BMP1: variants seen among roughly 807,000 people sequenced by gnomAD.
The protein encoded by BMP1 is bone morphogenetic protein 1.
BMP1 carries 63 observed loss-of-function variants against 116.8 expected under a neutral mutation model. The observed-to-expected ratio is 0.54, with a 90% CI of 0.44 to 0.67. The LOEUF is 0.67. Among genes scored for constraint, BMP1 ranks in the 30% least tolerant of loss-of-function variants. The pLI, the probability that BMP1 is intolerant of heterozygous loss-of-function variation, is 0.00. For synonymous variants in BMP1, 536 were observed against 533.4 expected, an observed-to-expected ratio of 1.00 and a Z score of -0.07; for missense variants, 1,183 against 1,358.9, an observed-to-expected ratio of 0.87 and a Z score of 2.04.
chr8:22,176,249 G>T lies in BMP1; in HGVS notation c.369G>T (p.Thr123=). 2 of 1,613,746 alleles carry T rather than the reference G, an allele frequency of 1.2e-6. No individual in the cohort carries two copies. Among genetic ancestry groups the T allele is most frequent in the South Asian group, 1.1e-5 (1 of 90,992 alleles). ...GATCCCGTAGCCGGCGGGCGGCGAC[G>T]TCCCGACCAGAGCGTGTGTGGCCCG... ...RGRSRSRRAA[T]SRPERVWPDG... The change falls in exon 3 of 20, where the codon ACG becomes ACT. Residue 123 remains threonine, a synonymous_variant. Coordinates refer to ENST00000306385, the MANE Select transcript of BMP1 (RefSeq NM_006129.5).
intron 19 of BMP1, among the ~76,000 whole-genome samples, chr8:22,210,809 C>G (rs1256475995): frequency 6.6e-6 from 1 of 152,242 alleles, no homozygotes; most frequent in African/African-American, 2.4e-5. Context: ...TCGGATGTCC[C>G]CAGGTGTCTT....
At chr8:22,195,678 C>T in intron 13 of BMP1, 91 bp downstream of exon 13, 1 of 1,523,738 alleles carries the variant, frequency 6.6e-7, no homozygotes, top group Non-Finnish European at 8.8e-7. Context: ...CAGGCTTTTG[C>T]TCTGTCACCC....
intron 1 of BMP1, among the ~76,000 whole-genome samples, chr8:22,166,878 G>A (rs1258825031): frequency 2.0e-5 from 3 of 152,268 alleles, no homozygotes; most frequent in East Asian, 1.9e-4. Flanking sequence ...AGTGGACTGC[G>A]CATGGACTTT....
chr8:22,187,549 C>G (rs529058043), intron 8 of BMP1, among the ~76,000 whole-genome samples: 2 of 141,584 alleles, frequency 1.4e-5, no homozygotes, highest in African/African-American at 5.4e-5. Flanking sequence ...CAGGGTTTCA[C>G]CGTGTTAGCC....
chr8:22,196,458 TG>T (rs1286697284), intron 13 of BMP1: 2 of 626,902 alleles, frequency 3.2e-6, no homozygotes, highest in Non-Finnish European at 5.7e-6. Flanking sequence ...GCCACACTTA[TG>T]ACCCCTTAGC....
At position 22,194,398 on chromosome 8, in the gene BMP1, G is replaced by A; in HGVS notation, c.1298-47G>A. The stretch of plus-strand genomic sequence containing the variant: ...GAAAAGAGCTCCCTAGCAGGGCAAA[G>A]CATGCTGACTCACCACCCCTTCCCA... On this transcript the variant is annotated intron_variant, in intron 10 of 19. Coordinates refer to ENST00000306385, the MANE Select transcript of BMP1 (RefSeq NM_006129.5). The surrounding 1 kb of genome is among the most constrained non-coding windows in gnomAD (Gnocchi z 4.5). The A allele has an allele frequency of 6.2e-7, 1 of 1,609,296 alleles. No homozygotes were observed. Among genetic ancestry groups the A allele is most frequent in the Non-Finnish European group, 8.5e-7 (1 of 1,177,264 alleles).
rs545322611 is a variant in BMP1 at position 22,179,399 on chromosome 8, G to A, written c.837-306G>A. ...GGGCCTGTAGCTTTCCTGGGGCTGG[G>A]AGTTGTGGCCAGCCTGAGCTGGGAG... is the stretch of plus-strand genomic sequence containing the variant. On this transcript the variant is annotated intron_variant, in intron 6 of 19. Coordinates refer to ENST00000306385, the MANE Select transcript of BMP1 (RefSeq NM_006129.5). The surrounding 1 kb of genome is among the most constrained non-coding windows in gnomAD (Gnocchi z 4.6). Among the ~76,000 whole-genome samples, 2 of 152,328 alleles carry A rather than the reference G, an allele frequency of 1.3e-5. No individual in the cohort carries two copies. The highest frequency in any genetic ancestry group is 4.8e-5 in the African/African-American group (2 of 41,570).
intron 8 of BMP1, among the ~76,000 whole-genome samples, chr8:22,190,128 T>C (rs952906624): frequency 2.6e-5 from 4 of 152,178 alleles, no homozygotes; most frequent in Non-Finnish European, 4.4e-5. Context: ...TTTCACCATG[T>C]TGGCCAGGCT....
chr8:22,197,999 A>G (rs758099974), intron 15 of BMP1, among the ~76,000 whole-genome samples: 6 of 152,208 alleles, frequency 3.9e-5, no homozygotes, highest in Admixed American at 6.5e-5. Flanking sequence ...AGCCTAGACA[A>G]CATAGCGAGA....
At position 22,176,234 on chromosome 8, in the gene BMP1, C is replaced by G. The variant is rs779984750; in HGVS notation, c.354C>G (p.Ser118Arg). Residue 118 changes from serine to arginine, a missense_variant, in exon 3 of 20, where the codon AGC (serine) becomes AGG (arginine). Around this residue, in one of 4 missense-constraint regions of BMP1, gnomAD observed 185 missense variants for 158.9 expected, o/e 1.16. Transcript: ENST00000306385. ...GGAGATGGAGAGGTAGATCCCGTAG[C>G]CGGCGGGCGGCGACGTCCCGACCAG... ...ACGRWRGRSR[S>R]RRAATSRPER... is the part of the protein sequence containing the mutation. The G allele has an allele frequency of 1.9e-6, 3 of 1,613,808 alleles. No individual in the cohort carries two copies. In the Admixed American group the frequency reaches 5.0e-5, roughly 27 times the overall value.
intron 19 of BMP1, among the ~76,000 whole-genome samples, chr8:22,210,466 T>TACACACA (rs1829443969): frequency 2.0e-5 from 2 of 101,120 alleles, no homozygotes; most frequent in African/African-American, 4.0e-5. Context: ...TCTCTCTCTC[T>TACACACA]CTCACACACA....
chr8:22,177,292 C>G (rs1828474501), intron 5 of BMP1, among the ~76,000 whole-genome samples, 153 bp downstream of exon 5: 1 of 152,236 alleles, frequency 6.6e-6, no homozygotes, highest in South Asian at 2.1e-4. Flanking sequence ...CAGCCCCTGC[C>G]CTTGAGGCAT....
rs1329687443 is a variant in BMP1, at chr8:22,179,540, G to A, written c.837-165G>A. Among the ~76,000 whole-genome samples the A allele has an allele frequency of 3.3e-5, 5 of 152,168 alleles. No individual in the cohort carries two copies. Among genetic ancestry groups the A allele is most frequent in the Admixed American group, 1.3e-4 (2 of 15,280 alleles). On this transcript the variant is annotated intron_variant, in intron 6 of 19. Coordinates refer to ENST00000306385, the MANE Select transcript of BMP1 (RefSeq NM_006129.5). The surrounding 1 kb of genome is among the most constrained non-coding windows in gnomAD (Gnocchi z 4.6). ...CGGAGCAGGGTGGCTGCTGGTCAGT[G>A]GGTAGCATAATGACAGGGTGAGACG... is the stretch of plus-strand genomic sequence containing the variant.
chr8:22,209,353 A>T (rs999277992), intron 18 of BMP1, 92 bp from the exon 19 acceptor site: 56 of 1,542,192 alleles, frequency 3.6e-5, no homozygotes, highest in Non-Finnish European at 4.3e-5. Flanking sequence ...CCAGGCCTCC[A>T]TCCTGCCGTG....
chr8:22,176,167 G>A lies in BMP1; in HGVS notation c.287G>A (p.Ser96Asn), dbSNP rs1470345633. Residue 96 changes from serine to asparagine, a missense_variant, in exon 3 of 20, where the codon AGC (serine) becomes AAC (asparagine). Transcript: ENST00000306385. ...GTTCCAGGAAACACTTCTACCCCCA[G>A]CTGCCAGAGCACCAACGGGCAGCCT... The part of the protein sequence containing the change: ...AAVPGNTSTP[S>N]CQSTNGQPQR... 1 of 1,614,036 alleles carries A rather than the reference G, an allele frequency of 6.2e-7. No individual in the cohort carries two copies. The highest frequency in any genetic ancestry group is 1.3e-5 in the African/African-American group (1 of 74,946).
At chr8:22,196,901 A>C in intron 14 of BMP1, 61 bp downstream of exon 14, 1 of 1,547,504 alleles carries the variant, frequency 6.5e-7, no homozygotes, top group South Asian at 1.2e-5. Flanking sequence ...CATTCAGCTC[A>C]GTGCCTGCTT....
At chr8:22,202,062 AC>A in intron 16 of BMP1, 134 bp downstream of exon 16, 1 of 1,294,908 alleles carries the variant, frequency 7.7e-7, no homozygotes, top group Non-Finnish European at 1.0e-6. Flanking sequence ...TCATTCCCCC[AC>A]CCACCTGGTA....
At chr8:22,196,272 A>G (rs781274244) in intron 13 of BMP1, 3 of 538,642 alleles carry the variant, frequency 5.6e-6, no homozygotes, top group East Asian at 1.0e-4. Context: ...TGGGGACAGC[A>G]CTCCGAGGCT....
chr8:22,190,151 C>T (rs940276365), intron 8 of BMP1, among the ~76,000 whole-genome samples: 12 of 152,284 alleles, frequency 7.9e-5, no homozygotes, highest in African/African-American at 2.9e-4. Flanking sequence ...TCTTGAACGC[C>T]TGACCTCAAG....
Sources: gnomAD v4.1 joint callset for allele counts (sites outside exome capture counted in the v4.1 genomes callset) on GRCh38, gnomAD v4.1.1 for gene constraint, gnomAD v4.1.1 regional missense constraint, Gnocchi (gnomAD v3.1) non-coding constraint, MANE v1.5 for transcripts, NCBI Gene and HGNC (gene_info 2026-07-23, HGNC 2026-07-21) for gene names.